Variants in POMGNT1 observed in about 807,000 individuals in gnomAD.
The protein encoded by POMGNT1 is protein O-linked mannose N-acetylglucosaminyltransferase 1 (beta 1,2-), also known as protein O-linked-mannose beta-1,2-N-acetylglucosaminyltransferase 1.
In POMGNT1, 67 loss-of-function variants were observed where a neutral mutation model predicts 95.6. That is an observed-to-expected ratio of 0.70 (90% CI 0.58 to 0.86). POMGNT1 has a LOEUF of 0.86. Ranked by LOEUF, POMGNT1 falls within the 40% of genes least tolerant of loss-of-function variation. The pLI is 0.00. For synonymous variants in POMGNT1, 298 were observed against 317.9 expected (o/e 0.94, Z 0.66); for missense variants, 719 against 855.2 (o/e 0.84, Z 1.99).
At chr1:46,205,839 A>C (rs1571681786) in intron 1 of POMGNT1, among the ~76,000 whole-genome samples, 1 of 152,208 alleles carries the variant, frequency 6.6e-6, no homozygotes, top group East Asian at 1.9e-4. Context: ...CAGGAAGGAC[A>C]AGGGGTGGGG....
chr1:46,194,700 G>A lies in POMGNT1; in HGVS notation c.653-49C>T, dbSNP rs374845039. On this transcript the variant is annotated intron_variant, in intron 7 of 21. Transcript: ENST00000371984. ...CCATGGGGGCCCAGACACCAGTTTG[G>A]GGGCTTTTTCCCATCTCCCTGCCTA... 9 of 1,614,088 alleles carry A rather than the reference G, an allele frequency of 5.6e-6. No homozygotes were observed. The African/African-American group carries it at 1.2e-4, about 22-fold the overall frequency.
At position 46,195,028 on chromosome 1, in the gene POMGNT1, C is replaced by T. The variant is rs903651259; in HGVS notation, c.535-67G>A. On this transcript the variant is annotated intron_variant, in intron 6 of 21. Coordinates refer to ENST00000371984, the MANE Select transcript of POMGNT1 (RefSeq NM_017739.4). The stretch of plus-strand genomic sequence containing the variant: ...CCAGGAGACCTGGCCTCACAGAGCA[C>T]GAACTATGTAGCAACCTTTTACTTA... 41 of 1,415,272 alleles carry T rather than the reference C, an allele frequency of 2.9e-5. No homozygotes were observed. In the Admixed American group the frequency reaches 4.2e-4, roughly 14 times the overall value. The allele number at this position is 1,415,272 out of a possible 1,614,324, so 87.7% of individuals were successfully genotyped here.
chr1:46,216,752 C>T (rs1659084079), intron 1 of POMGNT1, among the ~76,000 whole-genome samples: 1 of 152,144 alleles, frequency 6.6e-6, no homozygotes, highest in South Asian at 2.1e-4. Flanking sequence ...AGGAAGTGAG[C>T]ATAGTACCCA....
At chr1:46,193,726 T>C in intron 10 of POMGNT1, 87 bp from the exon 11 acceptor site, 6 of 1,603,850 alleles carry the variant, frequency 3.7e-6, no homozygotes, top group South Asian at 1.1e-5. Flanking sequence ...AGAGTCCCTA[T>C]GCTTACCCAC....
upstream of POMGNT1, among the ~76,000 whole-genome samples, chr1:46,200,851 A>G (rs184781092): frequency 6.6e-6 from 1 of 152,292 alleles, no homozygotes; most frequent in Admixed American, 6.5e-5. Flanking sequence ...TTTAAGGCAA[A>G]TGTTGCCGGG....
Position 46,197,766 on chromosome 1 carries a change from C to CG in POMGNT1, c.55dup (p.Arg19ProfsTer10). 6.2e-7 allele frequency: 1 copy of CG among 1,614,136 alleles called. No individual in the cohort carries two copies. Among genetic ancestry groups the CG allele is most frequent in the Non-Finnish European group, 8.5e-7 (1 of 1,180,014 alleles). On this transcript the variant is annotated frameshift_variant, in exon 2 of 22. Coordinates refer to ENST00000371984, the MANE Select transcript of POMGNT1 (RefSeq NM_017739.4). LOFTEE classifies it high-confidence loss of function. ...ATACTTCCAGGTAAGGTACCAGCTC[C>CG]GCTTCTTCCGAGCCCCAAAGGGCTT...
intron 1 of POMGNT1, among the ~76,000 whole-genome samples, chr1:46,212,220 A>T (rs1238832656): frequency 6.6e-6 from 1 of 152,176 alleles, no homozygotes; most frequent in Non-Finnish European, 1.5e-5. Context: ...GTAAATACAC[A>T]TACACACATA....
chr1:46,197,779 C>G lies in POMGNT1; in HGVS notation c.43G>C (p.Ala15Pro). Residue 15 changes from alanine to proline, a missense_variant, in exon 2 of 22, where the codon GCT becomes CCT. Coordinates refer to ENST00000371984, the MANE Select transcript of POMGNT1 (RefSeq NM_017739.4). ...AGGTACCAGCTCCGCTTCTTCCGAG[C>G]CCCAAAGGGCTTGATGAGGGGGCTG... Reference protein sequence around the residue: ...KPSPLIKPFGARKKRSWYLTW... With the variant: ...KPSPLIKPFGPRKKRSWYLTW... 1 of 1,614,156 alleles carries G rather than the reference C, an allele frequency of 6.2e-7. No homozygotes were observed. The highest frequency in any genetic ancestry group is 1.7e-4 in the Middle Eastern group (1 of 6,060).
chr1:46,200,775 G>T (rs1256354791), upstream of POMGNT1, among the ~76,000 whole-genome samples: 1 of 152,216 alleles, frequency 6.6e-6, no homozygotes, highest in Non-Finnish European at 1.5e-5. Context: ...TTTCCAGCCA[G>T]TCTCCTTGAC....
rs146097254 is a variant in POMGNT1, at chr1:46,192,423, G to A, written c.1298C>T (p.Thr433Met). ...GTACAGTAGTGCTGGGTCCTCAGCC[G>A]TGTGTTCATACCCCTGGGGACAGGG... The part of the protein sequence containing the change: ...SAWNDQGYEH[T>M]AEDPALLYRV... The change falls in exon 16 of 22, where the codon ACG (threonine) becomes ATG (methionine). Residue 433 changes from threonine (T) to methionine (M), a missense_variant. Physicochemically the swap from Thr to Met is moderately conservative, Grantham distance 81. Transcript: ENST00000371984. 2,263 of 1,614,156 alleles carry A rather than the reference G, an allele frequency of 1.4e-3. 22 individuals are homozygous for A. Among genetic ancestry groups the A allele is most frequent in the Admixed American group, 0.012 (709 of 60,018 alleles).
intron 1 of POMGNT1, among the ~76,000 whole-genome samples, chr1:46,205,231 C>G (rs547525864): frequency 2.0e-5 from 3 of 152,008 alleles, no homozygotes; most frequent in African/African-American, 7.2e-5. Context: ...GCACTCCAGC[C>G]TGGGTGACAG....
chr1:46,211,380 A>G lies in POMGNT1; in HGVS notation c.-51+8325T>C, dbSNP rs541675712. Among the ~76,000 whole-genome samples the G allele has an allele frequency of 2.0e-5, 3 of 152,088 alleles. No homozygotes were observed. In the East Asian group the frequency reaches 5.8e-4, roughly 29 times the overall value. On this transcript the variant is annotated intron_variant, in intron 1 of 22. Transcript: ENST00000371992. ...GCCTATTTCTGAGTGCCCCAGCATTATAACAAACACTGTAACAATGGCTAT... is the reference window on the plus strand; with the variant it reads ...GCCTATTTCTGAGTGCCCCAGCATTGTAACAAACACTGTAACAATGGCTAT...
At chr1:46,190,319 C>A in intron 19 of POMGNT1, 154 bp downstream of exon 19, 1 of 1,006,024 alleles carries the variant, frequency 9.9e-7, no homozygotes. Flanking sequence ...GCTGGGATTA[C>A]AGGCGTGAGC....
exon 1 of POMGNT1, chr1:46,219,946 A>T (rs1659182206): frequency 1.2e-6 from 2 of 1,614,134 alleles, no homozygotes; most frequent in African/African-American, 1.3e-5. Context: ...AGCTTCCTGG[A>T]CACAGTGGCC....
At chr1:46,219,859 G>T in exon 1 of POMGNT1, 3 of 1,613,928 alleles carry the variant, frequency 1.9e-6, no homozygotes, top group Non-Finnish European at 2.5e-6. Context: ...GGGAGCCCAG[G>T]CCGCTCAAGG....
chr1:46,190,858 A>T (rs1657710925), intron 17 of POMGNT1, 74 bp from the exon 18 acceptor site: 1 of 1,379,712 alleles, frequency 7.2e-7, no homozygotes, highest in South Asian at 1.2e-5. Context: ...CCAGCCAGAC[A>T]TCTATAAGAC....
intron 1 of POMGNT1, among the ~76,000 whole-genome samples, chr1:46,211,092 TAA>T (rs972012213): frequency 3.3e-5 from 5 of 152,134 alleles, no homozygotes; most frequent in African/African-American, 9.7e-5. Context: ...TTGGGCCTTT[TAA>T]AGAGACTTTA....
At chr1:46,201,568 A>C (rs754484660), upstream of POMGNT1, among the ~76,000 whole-genome samples, 2 of 151,434 alleles carry the variant, frequency 1.3e-5, no homozygotes, top group Non-Finnish European at 2.9e-5. Context: ...GCATGGTGGC[A>C]CGTGCCTGTA....
chr1:46,202,180 G>T (rs1377035534), upstream of POMGNT1, among the ~76,000 whole-genome samples: 1 of 151,486 alleles, frequency 6.6e-6, no homozygotes, highest in Non-Finnish European at 1.5e-5. Context: ...TAGGGTAGGG[G>T]TAACTATCTT....
Sources: allele counts gnomAD v4.1 joint callset (sites outside exome capture counted in the v4.1 genomes callset), GRCh38; gene constraint gnomAD v4.1.1; transcripts MANE v1.5; gene names NCBI Gene and HGNC (gene_info 2026-07-23, HGNC 2026-07-21).